PRKCE: variants seen among roughly 807,000 people sequenced by gnomAD.
PRKCE encodes protein kinase C epsilon type.
Under a neutral mutation model 85.4 loss-of-function variants are expected in PRKCE, and 16 were observed. The ratio of observed to expected loss-of-function variants is 0.19; its 90% CI spans 0.13 to 0.28. The LOEUF (loss-of-function observed/expected upper bound fraction) is 0.28, where lower values mean the gene tolerates loss of function less well. PRKCE is among the 10% of genes least tolerant of loss of function. The probability of loss-of-function intolerance (pLI) is 1.00; values close to 1 mark genes in which losing one functional copy is unlikely to be tolerated. For missense variants in PRKCE, 573 were observed against 975.2 expected (o/e 0.59, Z 5.49); for synonymous variants, 388 against 371.5 (o/e 1.04, Z -0.51).
chr2:45,709,403 A>T (rs1679411875), intron 1 of PRKCE, among the ~76,000 whole-genome samples: 1 of 152,244 alleles, frequency 6.6e-6, no homozygotes, highest in South Asian at 2.1e-4. Flanking sequence ...GCCCTATATC[A>T]GCCAGCTATT....
chr2:45,748,759 G>C (rs1277371373), intron 1 of PRKCE, among the ~76,000 whole-genome samples: 1 of 152,226 alleles, frequency 6.6e-6, no homozygotes. Flanking sequence ...CTGCCCTGAA[G>C]GAGTAGCCCC....
At chr2:46,104,871 G>A (rs765723748) in intron 11 of PRKCE, among the ~76,000 whole-genome samples, 5 of 152,074 alleles carry the variant, frequency 3.3e-5, no homozygotes, top group Non-Finnish European at 7.4e-5. Flanking sequence ...AAGGCTCTGG[G>A]GTTAGCAGCT....
intron 1 of PRKCE, among the ~76,000 whole-genome samples, chr2:45,762,251 C>A (rs146805711): frequency 1.4e-4 from 22 of 152,342 alleles, no homozygotes; most frequent in African/African-American, 5.3e-4. Context: ...GATCAGTAAG[C>A]ATTCATTTCT....
intron 2 of PRKCE, among the ~76,000 whole-genome samples, chr2:45,960,115 A>C (rs1330501384): frequency 2.0e-5 from 3 of 152,216 alleles, no homozygotes; most frequent in Non-Finnish European, 4.4e-5. Context: ...TACAAACAGA[A>C]TGCTTGTTTT....
intron 10 of PRKCE, among the ~76,000 whole-genome samples, chr2:46,070,967 T>C (rs974828333): frequency 6.5e-4 from 99 of 152,230 alleles, no homozygotes; most frequent in Non-Finnish European, 1.3e-3. Context: ...TGTCCTCTCA[T>C]TTGCCTTAGA....
At chr2:46,032,146 T>C (rs1027616792) in intron 10 of PRKCE, among the ~76,000 whole-genome samples, 1 of 152,228 alleles carries the variant, frequency 6.6e-6, no homozygotes, top group Non-Finnish European at 1.5e-5. Context: ...GTAGCACACA[T>C]ACAACTTTTA....
chr2:46,089,604 G>A (rs553841126), intron 11 of PRKCE, among the ~76,000 whole-genome samples: 5 of 152,288 alleles, frequency 3.3e-5, no homozygotes, highest in South Asian at 2.1e-4. Flanking sequence ...CCCTGGCCCC[G>A]GGGCTGCTGT....
intron 1 of PRKCE, among the ~76,000 whole-genome samples, chr2:45,667,017 G>GT (rs1024696806): frequency 1.3e-5 from 2 of 151,938 alleles, no homozygotes; most frequent in African/African-American, 4.8e-5. Context: ...ATTTTTAAAA[G>GT]TTTTTTGTAG....
chr2:45,712,042 G>A (rs191016358), intron 1 of PRKCE, among the ~76,000 whole-genome samples: 111 of 149,622 alleles, frequency 7.4e-4, no homozygotes, highest in Admixed American at 3.7e-3. Context: ...AGCCCCCACT[G>A]TTACTTGAGT....
chr2:46,031,596 G>C, intron 10 of PRKCE, among the ~76,000 whole-genome samples: 1 of 30,502 alleles, frequency 3.3e-5, no homozygotes, highest in East Asian at 4.1e-4. Context: ...CTGCTCGTGT[G>C]TGTGTGTGTG....
intron 2 of PRKCE, among the ~76,000 whole-genome samples, chr2:45,849,413 A>C (rs1438711383): frequency 2.0e-5 from 3 of 152,118 alleles, no homozygotes; most frequent in African/African-American, 7.2e-5. Context: ...TCCTTCTGCC[A>C]TCCTCAGCAT....
chr2:45,800,968 A>T (rs10164633), intron 1 of PRKCE, among the ~76,000 whole-genome samples: 1 of 152,042 alleles, frequency 6.6e-6, no homozygotes, highest in African/African-American at 2.4e-5. Context: ...AGAGAAATGC[A>T]GCAGTTGCCT....
chr2:45,957,450 A>G lies in PRKCE; in HGVS notation c.413-18979A>G, dbSNP rs192677209. Among the ~76,000 whole-genome samples, 177 of 151,926 alleles carry G rather than the reference A, an allele frequency of 1.2e-3. 1 individual carries two copies. The highest frequency in any genetic ancestry group is 4.1e-3 in the African/African-American group (170 of 41,248). On this transcript the variant is annotated intron_variant, in intron 2 of 14. Transcript: ENST00000306156. ...ATATGTGGATTAATTTCTGGACTCT[A>G]TTCTGTTGATCTATTTGCCTATGTG...
intron 11 of PRKCE, among the ~76,000 whole-genome samples, chr2:46,143,710 G>A (rs1467408910): frequency 6.6e-6 from 1 of 152,168 alleles, no homozygotes; most frequent in Admixed American, 6.5e-5. Context: ...GGGTGGGGGT[G>A]GGAGAACCCT....
chr2:46,146,113 A>G (rs548840043), intron 12 of PRKCE, among the ~76,000 whole-genome samples: 18 of 152,334 alleles, frequency 1.2e-4, no homozygotes, highest in African/African-American at 4.1e-4. Context: ...CCTTTCCTGA[A>G]AGTTGTTTGG....
At chr2:46,007,395 T>C (rs1705296274) in intron 8 of PRKCE, 67 bp from the exon 9 acceptor site, 1 of 1,513,496 alleles carries the variant, frequency 6.6e-7, no homozygotes, top group African/African-American at 1.4e-5. Context: ...AGTCTGAGTG[T>C]TGAGTCCTAA....
At chr2:45,989,841 C>G (rs1703649748) in intron 6 of PRKCE, among the ~76,000 whole-genome samples, 1 of 152,100 alleles carries the variant, frequency 6.6e-6, no homozygotes, top group South Asian at 2.1e-4. Context: ...TTCTTACTGT[C>G]AAAGATCCAA....
At chr2:45,767,905 G>A (rs1181743548) in intron 1 of PRKCE, among the ~76,000 whole-genome samples, 1 of 152,178 alleles carries the variant, frequency 6.6e-6, no homozygotes, top group Non-Finnish European at 1.5e-5. Flanking sequence ...ACATTTGTGG[G>A]AATAATGGAT....
chr2:46,177,643 C>G (rs1368981232), intron 14 of PRKCE, among the ~76,000 whole-genome samples: 1 of 152,208 alleles, frequency 6.6e-6, no homozygotes, highest in African/African-American at 2.4e-5. Flanking sequence ...ATGACCTCAT[C>G]TTCGTTTGAT....
Sources: allele counts gnomAD v4.1 joint callset (sites outside exome capture counted in the v4.1 genomes callset), GRCh38; gene constraint gnomAD v4.1.1; transcripts MANE v1.5; gene names NCBI Gene and HGNC (gene_info 2026-07-23, HGNC 2026-07-21).